Variants in TRPS1 observed in about 807,000 individuals in gnomAD.
The protein encoded by TRPS1 is zinc finger transcription factor Trps1.
In TRPS1, 6 loss-of-function variants were observed where a neutral mutation model predicts 101.2. The observed-to-expected ratio is 0.06, with a 90% confidence interval of 0.03 to 0.12. TRPS1 has a LOEUF of 0.12. TRPS1 is among the 10% of genes least tolerant of loss of function. TRPS1 has a pLI of 1.00. For missense variants in TRPS1, 1,363 were observed against 1,567.0 expected (o/e 0.87, Z 2.20); for synonymous variants, 578 against 589.8 (o/e 0.98, Z 0.29).
chr8:115,560,504 C>T (rs775954652), intron 5 of TRPS1, among the ~76,000 whole-genome samples: 1 of 152,138 alleles, frequency 6.6e-6, no homozygotes, highest in Non-Finnish European at 1.5e-5. Flanking sequence ...GGAAATGCTG[C>T]TGAATCCATT....
intron 1 of TRPS1, among the ~76,000 whole-genome samples, chr8:115,660,409 G>A (rs918985345): frequency 6.6e-6 from 1 of 151,598 alleles, no homozygotes; most frequent in African/African-American, 2.4e-5. Flanking sequence ...TGTCTTATAC[G>A]GTACTGGATT....
intron 5 of TRPS1, among the ~76,000 whole-genome samples, chr8:115,578,818 T>C (rs1563617767): frequency 6.6e-6 from 1 of 152,174 alleles, no homozygotes; most frequent in East Asian, 1.9e-4. Context: ...AATAAGCATG[T>C]ATCACTTATG....
chr8:115,562,876 C>CTGTGTGTGTG lies in TRPS1; in HGVS notation c.2700+24115_2700+24124dup, dbSNP rs10588354. On this transcript the variant is annotated intron_variant, in intron 5 of 6. Coordinates refer to ENST00000395715, the MANE Select transcript of TRPS1 (RefSeq NM_014112.5). ...TGCCTACTCCCCCTACCCACAGTGT[C>CTGTGTGTGTG]TGTGTGTGTGTGTGTGTGTGTGTGT... Among the ~76,000 whole-genome samples, 742 of 132,650 alleles carry CTGTGTGTGTG rather than the reference C, an allele frequency of 5.6e-3. 4 individuals carry two copies. The highest frequency in any genetic ancestry group is 0.016 in the East Asian group (66 of 4,200). 87.0% of individuals were successfully genotyped at this position (132,650 alleles called of 152,430 possible).
intron 5 of TRPS1, among the ~76,000 whole-genome samples, chr8:115,465,157 G>C (rs1814286011): frequency 6.6e-6 from 1 of 151,836 alleles, no homozygotes; most frequent in African/African-American, 2.4e-5. Context: ...ACCACCAAAG[G>C]ACACGAGAAC....
At chr8:115,456,006 G>C (rs569168114) in intron 5 of TRPS1, among the ~76,000 whole-genome samples, 4 of 151,878 alleles carry the variant, frequency 2.6e-5, no homozygotes, top group Admixed American at 2.0e-4. Flanking sequence ...GGATGGTCTC[G>C]ATCTCCTGAC....
rs1394662923 is a variant in TRPS1 at position 115,579,147 on chromosome 8, T to C, written c.2700+7854A>G. Among the ~76,000 whole-genome samples, 3 of 152,238 alleles carry C rather than the reference T, an allele frequency of 2.0e-5. No homozygotes were observed. The South Asian group carries it at 6.2e-4, about 32-fold the overall frequency. On this transcript the variant is annotated intron_variant, in intron 5 of 6. Coordinates refer to ENST00000395715, the MANE Select transcript of TRPS1 (RefSeq NM_014112.5). ...GTGAGGATGAAAGGAATCCATCCAG[T>C]AATAAATTAATGGAAAGGTAGTAAG...
At chr8:115,415,446 T>G (rs569357750) in intron 6 of TRPS1, among the ~76,000 whole-genome samples, 15 of 152,304 alleles carry the variant, frequency 9.8e-5, no homozygotes, top group African/African-American at 3.4e-4. Context: ...ATTTTTGAGT[T>G]GTGCACTAAA....
At chr8:115,426,598 A>G (rs1456231421) in intron 5 of TRPS1, among the ~76,000 whole-genome samples, 1 of 152,214 alleles carries the variant, frequency 6.6e-6, no homozygotes, top group Non-Finnish European at 1.5e-5. Context: ...CCCTCGAGGC[A>G]GCTATATACA....
At chr8:115,547,736 GC>G (rs1816609127) in intron 5 of TRPS1, among the ~76,000 whole-genome samples, 1 of 152,092 alleles carries the variant, frequency 6.6e-6, no homozygotes, top group African/African-American at 2.4e-5. Context: ...AAGAGTAGCT[GC>G]CTTTATCTTA....
intron 5 of TRPS1, among the ~76,000 whole-genome samples, chr8:115,460,110 T>G (rs1455736008): frequency 6.6e-6 from 1 of 152,180 alleles, no homozygotes; most frequent in Non-Finnish European, 1.5e-5. Context: ...CTCTTTTTTG[T>G]TACTGATATA....
At chr8:115,578,944 T>C (rs1817382277) in intron 5 of TRPS1, among the ~76,000 whole-genome samples, 1 of 152,066 alleles carries the variant, frequency 6.6e-6, no homozygotes, top group Non-Finnish European at 1.5e-5. Context: ...TAGCAAACCA[T>C]ATTGAACCAA....
chr8:115,425,797 T>G (rs1425095070), intron 5 of TRPS1, among the ~76,000 whole-genome samples: 1 of 152,210 alleles, frequency 6.6e-6, no homozygotes, highest in East Asian at 1.9e-4. Flanking sequence ...TCTCCCTTCT[T>G]TAACTAACCC....
At chr8:115,482,878 C>T (rs1350856573) in intron 5 of TRPS1, among the ~76,000 whole-genome samples, 4 of 152,108 alleles carry the variant, frequency 2.6e-5, no homozygotes, top group Non-Finnish European at 5.9e-5. Flanking sequence ...TGGGAAAACC[C>T]ACAAAGAAAA....
intron 5 of TRPS1, among the ~76,000 whole-genome samples, chr8:115,575,821 C>T (rs1473516615): frequency 2.6e-5 from 4 of 152,128 alleles, no homozygotes; most frequent in East Asian, 1.9e-4. Context: ...GAATTATTCA[C>T]ATCCATTAAA....
At position 115,412,193 on chromosome 8, in the gene TRPS1, T is replaced by A. The variant is rs1586247244; in HGVS notation, c.*1830A>T. ...AGCTTAAAAATTAAAAAAAAAAAAG[T>A]ACTTGGAATGAATAAGTGCTACCCT... On this transcript the variant is annotated 3_prime_UTR_variant, in exon 7 of 7. Coordinates refer to ENST00000395715, the MANE Select transcript of TRPS1 (RefSeq NM_014112.5). The A allele has an allele frequency of 6.6e-6, 1 of 152,112 alleles. No homozygotes were observed. The highest frequency in any genetic ancestry group is 2.4e-5 in the African/African-American group (1 of 41,278). 9.4% of individuals were successfully genotyped at this position (152,112 alleles called of 1,614,324 possible).
chr8:115,643,953 G>A (rs1335647123), intron 1 of TRPS1, among the ~76,000 whole-genome samples: 1 of 152,194 alleles, frequency 6.6e-6, no homozygotes, highest in African/African-American at 2.4e-5. Flanking sequence ...AGCTTCTGGG[G>A]TGACTGCGTG....
chr8:115,599,931 G>A (rs1307573196), intron 4 of TRPS1, among the ~76,000 whole-genome samples: 1 of 152,112 alleles, frequency 6.6e-6, no homozygotes, highest in African/African-American at 2.4e-5. Context: ...CTTCCACAAT[G>A]GTTGAACTAA....
chr8:115,593,510 G>A (rs559336815), intron 4 of TRPS1, among the ~76,000 whole-genome samples: 3 of 152,104 alleles, frequency 2.0e-5, no homozygotes, highest in African/African-American at 7.2e-5. Context: ...TAAAAGATTT[G>A]AGCATATTTT....
At chr8:115,583,476 A>T (rs1219140661) in intron 5 of TRPS1, among the ~76,000 whole-genome samples, 1 of 152,134 alleles carries the variant, frequency 6.6e-6, no homozygotes, top group Non-Finnish European at 1.5e-5. Flanking sequence ...TATTATTAGT[A>T]AATGTTGGTA....
Sources: gnomAD v4.1 joint callset for allele counts (sites outside exome capture counted in the v4.1 genomes callset) on GRCh38, gnomAD v4.1.1 for gene constraint, MANE v1.5 for transcripts, NCBI Gene and HGNC (gene_info 2026-07-23, HGNC 2026-07-21) for gene names.